The following PCDH7 variants were observed in gnomAD, a reference collection of about 807,000 sequenced individuals.
PCDH7 encodes protocadherin-7.
In PCDH7, 17 loss-of-function variants were observed where a neutral mutation model predicts 58.9. That is an observed-to-expected ratio of 0.29 (90% CI 0.20 to 0.43). PCDH7 has a LOEUF of 0.43. PCDH7 is among the 20% of genes least tolerant of loss of function. PCDH7 has a pLI of 1.00. For synonymous variants in PCDH7, 664 were observed against 616.4 expected (o/e 1.08, Z -1.14); for missense variants, 1,274 against 1,441.0 (o/e 0.88, Z 1.88).
At chr4:30,782,382 A>G (rs1560364874) in intron 1 of PCDH7, among the ~76,000 whole-genome samples, 1 of 152,236 alleles carries the variant, frequency 6.6e-6, no homozygotes, top group Admixed American at 6.5e-5. Flanking sequence ...GTGATTTTAC[A>G]TAAGCAGATT....
At chr4:30,807,575 A>G (rs931912840) in intron 1 of PCDH7, among the ~76,000 whole-genome samples, 11 of 152,168 alleles carry the variant, frequency 7.2e-5, no homozygotes, top group Non-Finnish European at 1.6e-4. Context: ...ATGTAAAAAT[A>G]ATGTTATGTT....
At position 31,050,937 on chromosome 4, in the gene PCDH7, A is replaced by G. The variant is rs113754507; in HGVS notation, c.*8-91536A>G. Among the ~76,000 whole-genome samples the G allele has an allele frequency of 4.4e-3, 671 of 152,160 alleles. 3 individuals are homozygous for G. The highest frequency in any genetic ancestry group is 0.015 in the African/African-American group (638 of 41,512). ...TTTATAGCTAGGTTCTCTGCTTCACATTGTCTATCCTCTGCTATGCTCGTG... is the reference window on the plus strand; with the variant it reads ...TTTATAGCTAGGTTCTCTGCTTCACGTTGTCTATCCTCTGCTATGCTCGTG... On this transcript the variant is annotated intron_variant, in intron 3 of 3. Transcript: ENST00000509759.
At chr4:31,051,421 G>A (rs1756721276) in intron 3 of PCDH7, among the ~76,000 whole-genome samples, 1 of 152,120 alleles carries the variant, frequency 6.6e-6, no homozygotes, top group African/African-American at 2.4e-5. Context: ...AGAACTATAG[G>A]ATACAGTGAC....
intron 3 of PCDH7, among the ~76,000 whole-genome samples, chr4:30,978,843 T>C (rs1408880098): frequency 1.3e-5 from 2 of 152,110 alleles, no homozygotes; most frequent in Non-Finnish European, 2.9e-5. Context: ...CTTTGCTAAA[T>C]AACAAAGACA....
chr4:30,932,195 G>A (rs1180175574), intron 2 of PCDH7, among the ~76,000 whole-genome samples: 1 of 152,136 alleles, frequency 6.6e-6, no homozygotes, highest in African/African-American at 2.4e-5. Flanking sequence ...GAATCTGAAT[G>A]AGAAATAAAT....
chr4:31,058,219 C>T (rs1757412571), intron 3 of PCDH7, among the ~76,000 whole-genome samples: 1 of 152,018 alleles, frequency 6.6e-6, no homozygotes, highest in African/African-American at 2.4e-5. Context: ...CAATGAACAA[C>T]TTTCATCAAT....
intron 3 of PCDH7, among the ~76,000 whole-genome samples, chr4:30,994,753 A>T (rs570077912): frequency 2.2e-4 from 34 of 152,328 alleles, no homozygotes; most frequent in African/African-American, 6.5e-4. Flanking sequence ...ATCCTTTATT[A>T]AAAAAGATAC....
rs1578362766 is a variant in PCDH7 at position 30,940,837 on chromosome 4, T to A, written c.288-9283T>A. On this transcript the variant is annotated intron_variant, in intron 2 of 3. Coordinates refer to the PCDH7 transcript ENST00000509759. ...GTAGAAGTGTGAAAACATGTGCACA[T>A]GTACCTCGCTCCTGCAGTTTTATCT... 3.3e-5 allele frequency among the ~76,000 whole-genome samples: 5 copies of A among 152,126 alleles called. No individual in the cohort carries two copies. The East Asian group carries it at 9.7e-4, about 29-fold the overall frequency.
chr4:31,061,457 C>T (rs1018388147), intron 3 of PCDH7, among the ~76,000 whole-genome samples: 2 of 151,288 alleles, frequency 1.3e-5, no homozygotes, highest in African/African-American at 4.8e-5. Context: ...TTAACAGATC[C>T]TACCTTGTTT....
intron 3 of PCDH7, among the ~76,000 whole-genome samples, chr4:31,131,318 G>T (rs1718957806): frequency 6.6e-6 from 1 of 152,102 alleles, no homozygotes; most frequent in African/African-American, 2.4e-5. Flanking sequence ...TTGCTTCATT[G>T]ATTTCTCCCC....
intron 1 of PCDH7, among the ~76,000 whole-genome samples, chr4:30,844,288 A>C (rs921816392): frequency 6.6e-6 from 1 of 151,952 alleles, no homozygotes; most frequent in Non-Finnish European, 1.5e-5. Context: ...ACAAACAAAT[A>C]AAAACTCATC....
chr4:31,040,884 G>A (rs1369746059), intron 3 of PCDH7, among the ~76,000 whole-genome samples: 2 of 151,748 alleles, frequency 1.3e-5, no homozygotes, highest in Non-Finnish European at 2.9e-5. Flanking sequence ...TTTCCTGCTT[G>A]CCACCATTCA....
chr4:31,013,592 TACACACACACACAC>T (rs138674335), intron 3 of PCDH7, among the ~76,000 whole-genome samples: 1 of 146,364 alleles, frequency 6.8e-6, no homozygotes, highest in Admixed American at 6.9e-5. Context: ...ATATATTTTA[TACACACACACACAC>T]ACACACACAC....
At chr4:30,988,070 C>A (rs1751135586) in intron 3 of PCDH7, among the ~76,000 whole-genome samples, 1 of 152,124 alleles carries the variant, frequency 6.6e-6, no homozygotes, top group South Asian at 2.1e-4. Flanking sequence ...AGAAAGCACA[C>A]AGACATGAGT....
At chr4:30,758,237 A>T (rs1052271287) in intron 1 of PCDH7, among the ~76,000 whole-genome samples, 5 of 152,180 alleles carry the variant, frequency 3.3e-5, no homozygotes, top group African/African-American at 7.2e-5. Context: ...GAACAGGAAG[A>T]TCCAGGTAGA....
Position 30,955,091 on chromosome 4 carries a change from T to A in PCDH7, c.*7+4876T>A, listed in dbSNP as rs566189641. ...CTCATTCAAAAAGAAAAATTTTGAA[T>A]GATTATTATAATTTTTAAATTTCTA... On this transcript the variant is annotated intron_variant, in intron 3 of 3. Transcript: ENST00000509759. Among the ~76,000 whole-genome samples the A allele has an allele frequency of 2.0e-3, 300 of 152,110 alleles. 1 individual carries two copies. Among genetic ancestry groups the A allele is most frequent in the Non-Finnish European group, 3.1e-3 (212 of 67,988 alleles).
chr4:30,988,065 G>A (rs567338962), intron 3 of PCDH7, among the ~76,000 whole-genome samples: 3 of 152,230 alleles, frequency 2.0e-5, no homozygotes, highest in African/African-American at 7.2e-5. Context: ...TCCCTAGAAA[G>A]CACACAGACA....
At chr4:31,025,751 A>G (rs1754375036) in intron 3 of PCDH7, among the ~76,000 whole-genome samples, 1 of 152,196 alleles carries the variant, frequency 6.6e-6, no homozygotes, top group South Asian at 2.1e-4. Context: ...AGAGATTCCA[A>G]GCCTAGTGAT....
At chr4:31,085,427 G>GT (rs1207381720) in intron 3 of PCDH7, among the ~76,000 whole-genome samples, 1 of 152,138 alleles carries the variant, frequency 6.6e-6, no homozygotes, top group African/African-American at 2.4e-5. Context: ...AGGCAATCTA[G>GT]TCCCCAGGCA....
Sources: gnomAD v4.1 joint callset for allele counts (sites outside exome capture counted in the v4.1 genomes callset) on GRCh38, gnomAD v4.1.1 for gene constraint, MANE v1.5 for transcripts, NCBI Gene and HGNC (gene_info 2026-07-23, HGNC 2026-07-21) for gene names.